VPS13C: variants seen among roughly 807,000 people sequenced by gnomAD.
VPS13C encodes intermembrane lipid transfer protein VPS13C.
In VPS13C, 358 loss-of-function variants were observed where a neutral mutation model predicts 456.8. That is an observed-to-expected ratio of 0.78 (90% confidence interval 0.72 to 0.86). The LOEUF is 0.86. VPS13C is among the 40% of genes least tolerant of loss of function. The pLI is 0.00. For synonymous variants in VPS13C, 1,578 were observed against 1,486.7 expected (o/e 1.06, Z -1.41); for missense variants, 4,818 against 4,385.4 (o/e 1.10, Z -2.79).
At chr15:61,961,980 A>G in intron 34 of VPS13C, 87 bp from the exon 35 acceptor site, 4 of 1,419,704 alleles carry the variant, frequency 2.8e-6, no homozygotes, top group Non-Finnish European at 2.8e-6. Flanking sequence ...ACATGTGGTA[A>G]CTTTTTTTTT....
At chr15:61,905,618 A>T (rs1418737586) in intron 66 of VPS13C, among the ~76,000 whole-genome samples, 3 of 152,106 alleles carry the variant, frequency 2.0e-5, no homozygotes, top group African/African-American at 7.2e-5. Context: ...AATATATGAT[A>T]TGTCCTCAAT....
At chr15:61,915,393 T>C (rs1031587874) in intron 61 of VPS13C, among the ~76,000 whole-genome samples, 1 of 152,196 alleles carries the variant, frequency 6.6e-6, no homozygotes, top group Non-Finnish European at 1.5e-5. Flanking sequence ...CTACTACTAC[T>C]ACTACTACTT....
Position 61,941,701 on chromosome 15 carries a change from T to C in VPS13C, c.5453+62A>G, listed in dbSNP as rs147377968. 2,319 of 1,486,572 alleles carry C rather than the reference T, an allele frequency of 1.6e-3. 31 individuals are homozygous for C. The African/African-American group carries it at 0.029, about 19-fold the overall frequency. The allele number at this position is 1,486,572 out of a possible 1,614,324, so 92.1% of individuals were successfully genotyped here. A position where few individuals can be genotyped will look rare whatever the true frequency, so the allele number is the denominator to read the frequency against. The stretch of plus-strand genomic sequence containing the variant: ...AATTACTACAACATTTTACCTTAGG[T>C]AAAAATTGTATGAAAATCCTATTTC... On this transcript the variant is annotated intron_variant, in intron 46 of 84. Transcript: ENST00000644861.
intron 16 of VPS13C, among the ~76,000 whole-genome samples, chr15:61,993,659 C>T (rs547561536): frequency 1.3e-5 from 2 of 151,980 alleles, no homozygotes; most frequent in Non-Finnish European, 2.9e-5. Flanking sequence ...GGAAAGCACA[C>T]AATCAAAAAT....
At chr15:62,055,567 C>A (rs546669712) in intron 1 of VPS13C, among the ~76,000 whole-genome samples, 3 of 151,954 alleles carry the variant, frequency 2.0e-5, no homozygotes, top group South Asian at 2.1e-4. Flanking sequence ...TTGTAAATTT[C>A]ATTATGAACG....
intron 20 of VPS13C, 50 bp downstream of exon 20, chr15:61,983,770 C>T (rs371415948): frequency 5.1e-6 from 8 of 1,559,410 alleles, no homozygotes; most frequent in Non-Finnish European, 5.2e-6. Context: ...AACAGTATGT[C>T]AGAAGCATAA....
intron 6 of VPS13C, among the ~76,000 whole-genome samples, chr15:62,024,441 T>C (rs1478430200): frequency 2.0e-5 from 3 of 152,064 alleles, no homozygotes; most frequent in African/African-American, 7.2e-5. Context: ...CAACACTGCC[T>C]CACTGCATTC....
intron 52 of VPS13C, among the ~76,000 whole-genome samples, 166 bp downstream of exon 52, chr15:61,926,925 C>T (rs865839523): frequency 6.6e-6 from 1 of 152,164 alleles, no homozygotes; most frequent in Non-Finnish European, 1.5e-5. Flanking sequence ...GCAGCCATGG[C>T]TAAGTCATTT....
intron 15 of VPS13C, among the ~76,000 whole-genome samples, chr15:62,006,885 T>C (rs2046868603): frequency 7.9e-5 from 12 of 152,234 alleles, no homozygotes; most frequent in Admixed American, 7.9e-4. Flanking sequence ...ATGTGTTTTT[T>C]GGCTGCATAA....
At chr15:61,890,017 A>T (rs949080450) in intron 67 of VPS13C, 148 bp downstream of exon 67, 14 of 700,450 alleles carry the variant, frequency 2.0e-5, no homozygotes, top group Non-Finnish European at 2.8e-5. Context: ...TTCAACTAAC[A>T]GTTCAAAGAA....
Position 61,922,414 on chromosome 15 carries a change from C to T in VPS13C, c.6958G>A (p.Ala2320Thr). 1.2e-6 allele frequency: 2 copies of T among 1,613,102 alleles called. No homozygotes were observed. The highest frequency in any genetic ancestry group is 2.2e-5 in the East Asian group (1 of 44,856). ...GGCCATACCTGTAGTGTCACGTCAG[C>T]AACAGCAGCCATTAGAGAAGTCCAA... ...KNWTSLMAAV[A>T]DVTLQVHYYN... is the part of the protein sequence containing the mutation. The change falls in exon 54 of 85, where the codon GCT becomes ACT. Residue 2320 changes from alanine to threonine, a missense_variant. Transcript: ENST00000644861.
intron 81 of VPS13C, chr15:61,866,894 A>T: frequency 1.0e-6 from 1 of 983,076 alleles, no homozygotes; most frequent in Non-Finnish European, 1.2e-6. Context: ...CAACACATTA[A>T]ATCTAAGTTT....
At chr15:61,984,682 G>A (rs1567074602) in intron 19 of VPS13C, among the ~76,000 whole-genome samples, 175 bp downstream of exon 19, 1 of 152,036 alleles carries the variant, frequency 6.6e-6, no homozygotes, top group Non-Finnish European at 1.5e-5. Flanking sequence ...AAATGATGAA[G>A]TACCCACACA....
intron 66 of VPS13C, among the ~76,000 whole-genome samples, chr15:61,896,587 G>A (rs1202196697): frequency 6.6e-6 from 1 of 152,236 alleles, no homozygotes; most frequent in Non-Finnish European, 1.5e-5. Context: ...CCCGCACCTG[G>A]CTCGGAGGGT....
chr15:61,999,230 T>C (rs977847397), intron 16 of VPS13C, among the ~76,000 whole-genome samples: 4 of 151,950 alleles, frequency 2.6e-5, no homozygotes, highest in African/African-American at 9.7e-5. Flanking sequence ...AATACAAAAA[T>C]TAGCCGGGCA....
chr15:61,999,135 T>A (rs909980099), intron 16 of VPS13C, among the ~76,000 whole-genome samples: 4 of 152,108 alleles, frequency 2.6e-5, no homozygotes, highest in African/African-American at 7.2e-5. Flanking sequence ...TCCCAGCACT[T>A]TGGGAGGCCA....
chr15:61,958,267 C>T (rs2045076182), intron 37 of VPS13C, among the ~76,000 whole-genome samples: 1 of 152,034 alleles, frequency 6.6e-6, no homozygotes, highest in Admixed American at 6.6e-5. Flanking sequence ...ATCAGATACA[C>T]TATGCTACCA....
At chr15:61,993,814 C>T (rs1230508530) in intron 16 of VPS13C, among the ~76,000 whole-genome samples, 2 of 152,052 alleles carry the variant, frequency 1.3e-5, no homozygotes, top group East Asian at 3.8e-4. Context: ...GAACTATACA[C>T]ACACATCATA....
intron 63 of VPS13C, among the ~76,000 whole-genome samples, chr15:61,910,790 A>G (rs1483997699): frequency 1.3e-5 from 2 of 152,132 alleles, no homozygotes; most frequent in Non-Finnish European, 2.9e-5. Context: ...TTGATATCAG[A>G]CCATATACTT....
Sources: allele counts gnomAD v4.1 joint callset (sites outside exome capture counted in the v4.1 genomes callset), GRCh38; gene constraint gnomAD v4.1.1; transcripts MANE v1.5; gene names NCBI Gene and HGNC (gene_info 2026-07-23, HGNC 2026-07-21).